The following MAK variants were observed in gnomAD, a reference collection of about 807,000 sequenced individuals.
MAK encodes serine/threonine-protein kinase MAK.
In MAK, 65 loss-of-function variants were observed where a neutral mutation model predicts 82.6. The observed-to-expected ratio is 0.79, with a 90% CI of 0.64 to 0.97. The LOEUF (loss-of-function observed/expected upper bound fraction) is 0.97, where lower values mean the gene tolerates loss of function less well. Among genes scored for constraint, MAK ranks in the 50% least tolerant of loss-of-function variants. The pLI, the probability that MAK is intolerant of heterozygous loss-of-function variation, is 0.00. For missense variants in MAK, 703 were observed against 780.2 expected (o/e 0.90, Z 1.18); for synonymous variants, 250 against 274.2 (o/e 0.91, Z 0.87).
intron 14 of MAK, among the ~76,000 whole-genome samples, chr6:10,767,980 T>A (rs1772624262): frequency 6.6e-6 from 1 of 152,122 alleles, no homozygotes; most frequent in South Asian, 2.1e-4. Flanking sequence ...GTGTTTTTTC[T>A]AAGGATTTGC....
Position 10,813,661 on chromosome 6 carries a change from G to C in MAK, c.341C>G (p.Ala114Gly). Residue 114 changes from alanine (A) to glycine (G), a missense_variant, in exon 5 of 15, where the codon GCT (alanine) becomes GGT (glycine). Physicochemically the swap from Ala to Gly is moderately conservative, Grantham distance 60. Coordinates refer to ENST00000354489, the MANE Select transcript of MAK (RefSeq NM_001242957.3). ...AAACCTACCATGTTTATGGATAAAA[G>C]CCAGCCCTTGCAATATTTGATACAT... ...NIMYQILQGL[A>G]FIHKHGFFHR... 1.3e-6 allele frequency: 2 copies of C among 1,599,042 alleles called. No individual in the cohort carries two copies. Among genetic ancestry groups the C allele is most frequent in the Non-Finnish European group, 1.7e-6 (2 of 1,166,468 alleles).
At chr6:10,824,510 G>T (rs1778209862) in intron 2 of MAK, among the ~76,000 whole-genome samples, 2 of 151,034 alleles carry the variant, frequency 1.3e-5, no homozygotes, top group Admixed American at 1.3e-4. Context: ...CACACGTTCT[G>T]AACATCCCCT....
At chr6:10,799,275 G>A (rs1484658374) in intron 8 of MAK, among the ~76,000 whole-genome samples, 5 of 152,008 alleles carry the variant, frequency 3.3e-5, no homozygotes, top group African/African-American at 4.8e-5. Flanking sequence ...AATGAAAAAC[G>A]GTATCTCATT....
intron 2 of MAK, 45 bp from the exon 3 acceptor site, chr6:10,818,985 CA>C: frequency 3.9e-6 from 4 of 1,037,104 alleles, no homozygotes; most frequent in East Asian, 2.4e-5. Context: ...ATTGAGGATT[CA>C]AAGACACACA....
At chr6:10,777,809 TG>T (rs761871908) in intron 11 of MAK, among the ~76,000 whole-genome samples, 13 of 152,072 alleles carry the variant, frequency 8.5e-5, no homozygotes, top group Non-Finnish European at 1.9e-4. Flanking sequence ...CGGCTAATTT[TG>T]TATTTTTAGT....
At chr6:10,778,480 CAGT>C (rs1773652965) in intron 11 of MAK, among the ~76,000 whole-genome samples, 2 of 152,158 alleles carry the variant, frequency 1.3e-5, no homozygotes, top group South Asian at 4.1e-4. Context: ...TGACCTTCAG[CAGT>C]AGGATACAAC....
chr6:10,795,217 C>T (rs963875035), intron 9 of MAK, among the ~76,000 whole-genome samples: 26 of 151,962 alleles, frequency 1.7e-4, no homozygotes, highest in Non-Finnish European at 1.2e-4. Context: ...TTTGGGAGGC[C>T]GAGATGGGTG....
Position 10,764,369 on chromosome 6 carries a change from A to C in MAK, c.*83T>G. The C allele has an allele frequency of 1.1e-5, 16 of 1,430,182 alleles. No individual in the cohort carries two copies. Among genetic ancestry groups the C allele is most frequent in the Non-Finnish European group, 1.5e-5 (15 of 1,029,564 alleles). 88.6% of individuals were successfully genotyped at this position (1,430,182 alleles called of 1,614,324 possible). On this transcript the variant is annotated 3_prime_UTR_variant, in exon 15 of 15. Transcript: ENST00000354489. ...ATTTCTTCCAGAACTCAGTAGAAAT[A>C]GACATTTGTAGACATTTCCCAGGGT...
chr6:10,820,641 C>G (rs1010724101), intron 2 of MAK, among the ~76,000 whole-genome samples: 1 of 152,050 alleles, frequency 6.6e-6, no homozygotes, highest in South Asian at 2.1e-4. Flanking sequence ...CTGAGATGAC[C>G]TCAAGGGCAT....
chr6:10,811,375 G>A (rs984607451), intron 5 of MAK, among the ~76,000 whole-genome samples: 5 of 152,262 alleles, frequency 3.3e-5, no homozygotes, highest in South Asian at 4.1e-4. Flanking sequence ...TGTGGCTTTC[G>A]TAAAAACGTC....
intron 1 of MAK, chr6:10,838,250 G>A (rs1779288465): frequency 6.6e-6 from 1 of 152,400 alleles, no homozygotes; most frequent in South Asian, 2.1e-4. Flanking sequence ...TGGTCAAGAG[G>A]TCTGGGAGAC....
chr6:10,785,805 A>G (rs188228332), intron 10 of MAK, among the ~76,000 whole-genome samples: 74 of 152,372 alleles, frequency 4.9e-4, no homozygotes, highest in South Asian at 4.1e-4. Context: ...CATGTGTTAT[A>G]GTCCTCTGGA....
chr6:10,803,464 A>G (rs1305668021), intron 7 of MAK, among the ~76,000 whole-genome samples: 1 of 151,826 alleles, frequency 6.6e-6, no homozygotes, highest in Admixed American at 6.6e-5. Context: ...AGAATTGCTT[A>G]AACCTGGGAG....
intron 4 of MAK, among the ~76,000 whole-genome samples, chr6:10,814,827 C>T (rs2127573289): frequency 6.6e-6 from 1 of 152,218 alleles, no homozygotes; most frequent in Admixed American, 6.5e-5. Flanking sequence ...GGGTGGAGGT[C>T]AGGAGTTCGA....
At chr6:10,792,868 G>A (rs1466097204) in intron 9 of MAK, among the ~76,000 whole-genome samples, 2 of 152,020 alleles carry the variant, frequency 1.3e-5, no homozygotes, top group African/African-American at 4.8e-5. Flanking sequence ...CCAGAATAAA[G>A]AGAATAAAAA....
chr6:10,828,635 T>A (rs905638339), intron 2 of MAK, among the ~76,000 whole-genome samples: 73 of 152,084 alleles, frequency 4.8e-4, no homozygotes, highest in African/African-American at 1.7e-3. Context: ...TCCAAAAAAA[T>A]TTTTTAAAAA....
chr6:10,783,787 A>G (rs189049710), intron 11 of MAK, among the ~76,000 whole-genome samples: 1,666 of 152,298 alleles, frequency 0.011, 16 homozygotes, highest in Non-Finnish European at 0.015. Context: ...TTGGGAGGCC[A>G]AGGCGGGCGG....
intron 8 of MAK, among the ~76,000 whole-genome samples, chr6:10,801,653 G>C (rs1011576092): frequency 1.3e-5 from 2 of 152,066 alleles, no homozygotes; most frequent in African/African-American, 4.8e-5. Flanking sequence ...GCAACCTCAG[G>C]GTTCTTCATT....
chr6:10,814,679 C>CG lies in MAK; in HGVS notation c.279-957dup, dbSNP rs533086413. 1.0e-3 allele frequency among the ~76,000 whole-genome samples: 155 copies of CG among 149,568 alleles called. 5 individuals carry two copies. In the South Asian group the frequency reaches 0.032, roughly 31 times the overall value. On this transcript the variant is annotated intron_variant, in intron 4 of 14. Transcript: ENST00000354489. Reference sequence around the variant, plus strand: ...GAGATCCTGCCTCCAAAAAAAAAAGCGGGGGGGAAATAAATTTAGAGATAT... The same window carrying CG: ...GAGATCCTGCCTCCAAAAAAAAAAGCGGGGGGGGAAATAAATTTAGAGATAT...
Sources: gnomAD v4.1 joint callset for allele counts (sites outside exome capture counted in the v4.1 genomes callset) on GRCh38, gnomAD v4.1.1 for gene constraint, MANE v1.5 for transcripts, NCBI Gene and HGNC (gene_info 2026-07-23, HGNC 2026-07-21) for gene names.